Variants in PRDM16 observed in about 807,000 individuals in gnomAD.
The protein encoded by PRDM16 is PR/SET domain 16.
A neutral mutation model predicts 110.6 loss-of-function variants in PRDM16; 23 were observed. The observed-to-expected ratio is 0.21, with a 90% CI of 0.15 to 0.29. The LOEUF is 0.29. Among genes scored for constraint, PRDM16 ranks in the 10% least tolerant of loss-of-function variants. PRDM16 has a pLI of 1.00. For synonymous variants in PRDM16, 799 were observed against 781.8 expected (o/e 1.02, Z -0.37); for missense variants, 1,615 against 1,794.3 (o/e 0.90, Z 1.81).
intron 1 of PRDM16, among the ~76,000 whole-genome samples, chr1:3,131,810 T>G: frequency 6.6e-6 from 1 of 152,198 alleles, no homozygotes; most frequent in Non-Finnish European, 1.5e-5. Context: ...GCAGTGACGC[T>G]GCCCTGGGGT....
chr1:3,304,495 A>G (rs1486847332), intron 3 of PRDM16, among the ~76,000 whole-genome samples: 1 of 152,234 alleles, frequency 6.6e-6, no homozygotes, highest in East Asian at 1.9e-4. Context: ...CCTTGGCGTC[A>G]CGGAGCTACT....
chr1:3,129,096 T>G (rs1643275897), intron 1 of PRDM16, among the ~76,000 whole-genome samples: 2 of 151,668 alleles, frequency 1.3e-5, no homozygotes, highest in South Asian at 4.2e-4. Context: ...GTTTCCTGGC[T>G]GGTGTGCGTG....
At chr1:3,231,878 C>G (rs1639425401) in intron 2 of PRDM16, among the ~76,000 whole-genome samples, 2 of 152,224 alleles carry the variant, frequency 1.3e-5, no homozygotes, top group African/African-American at 4.8e-5. Context: ...AAAGCTGGAC[C>G]CTGGGGGGTC....
chr1:3,329,665 C>G (rs938080190), intron 3 of PRDM16, among the ~76,000 whole-genome samples: 7 of 152,330 alleles, frequency 4.6e-5, no homozygotes, highest in Non-Finnish European at 5.9e-5. Context: ...CCTTCACACC[C>G]CTCTCTTCCA....
intron 3 of PRDM16, among the ~76,000 whole-genome samples, chr1:3,324,690 A>C (rs79548216): frequency 0.074 from 11,245 of 151,192 alleles, 572 homozygotes; most frequent in East Asian, 0.21. Context: ...CTCCGACTCC[A>C]TGGGGTCAGG....
chr1:3,212,593 G>A (rs1261958626), intron 2 of PRDM16, among the ~76,000 whole-genome samples: 1 of 147,212 alleles, frequency 6.8e-6, no homozygotes, highest in Non-Finnish European at 1.5e-5. Flanking sequence ...GGAGGCCCCC[G>A]CTCATCCTCC....
At chr1:3,142,119 G>C (rs180854632) in intron 1 of PRDM16, among the ~76,000 whole-genome samples, 2 of 152,310 alleles carry the variant, frequency 1.3e-5, no homozygotes, top group Admixed American at 6.5e-5. Flanking sequence ...AGCTGCCCCA[G>C]CCTCCATCGG....
Position 3,161,824 on chromosome 1 carries a change from C to T in PRDM16, c.38-24301C>T, listed in dbSNP as rs569011536. 5.3e-5 allele frequency among the ~76,000 whole-genome samples: 8 copies of T among 152,344 alleles called. 1 individual carries two copies. In the East Asian group the frequency reaches 1.5e-3, roughly 29 times the overall value. On this transcript the variant is annotated intron_variant, in intron 1 of 16. Coordinates refer to ENST00000270722, the MANE Select transcript of PRDM16 (RefSeq NM_022114.4). ...CAGCTCCTGGGTGCAGGATCTGGTG[C>T]GCCTGTCTCCATGAGGATTTGGACC... is the stretch of plus-strand genomic sequence containing the variant.
At chr1:3,144,548 AG>A (rs772937453) in intron 1 of PRDM16, among the ~76,000 whole-genome samples, 22 of 104,306 alleles carry the variant, frequency 2.1e-4, no homozygotes, top group Non-Finnish European at 3.1e-4. Context: ...TGGGTGGGGG[AG>A]GGGGTGGCCA....
At chr1:3,161,341 C>T (rs750917759) in intron 1 of PRDM16, among the ~76,000 whole-genome samples, 5 of 152,146 alleles carry the variant, frequency 3.3e-5, no homozygotes, top group East Asian at 1.9e-4. Context: ...CTTTGTTTGC[C>T]GGTCACAGCC....
Position 3,186,295 on chromosome 1 carries a change from G to A in PRDM16, c.208G>A (p.Ala70Thr), listed in dbSNP as rs2100797998. ...CCCCAAGGAGGGCTCGCCGTACGAG[G>A]CCCCTGTCTACATTCCTGAAGACAT... ...FTPKEGSPYE[A>T]PVYIPEDIPI... Residue 70 changes from alanine to threonine, a missense_variant, in exon 2 of 17, where the codon GCC (alanine) becomes ACC (threonine). By Grantham distance (58) the Ala-to-Thr change is moderately conservative (BLOSUM62 0). Around this residue, in one of 5 missense-constraint regions of PRDM16, gnomAD observed 416 missense variants for 467.1 expected, o/e 0.89. Transcript: ENST00000270722. The A allele has an allele frequency of 1.2e-6, 2 of 1,611,804 alleles. No individual in the cohort carries two copies. Among genetic ancestry groups the A allele is most frequent in the East Asian group, 4.5e-5 (2 of 44,868 alleles).
rs530131492 is a variant in PRDM16 at position 3,081,072 on chromosome 1, C to G, written c.37+11776C>G. Among the ~76,000 whole-genome samples the G allele has an allele frequency of 3.5e-4, 54 of 152,288 alleles. No individual in the cohort carries two copies. Among genetic ancestry groups the G allele is most frequent in the South Asian group, 4.1e-4 (2 of 4,820 alleles). On this transcript the variant is annotated intron_variant, in intron 1 of 16. Coordinates refer to ENST00000270722, the MANE Select transcript of PRDM16 (RefSeq NM_022114.4). The surrounding 1 kb of genome is among the most constrained non-coding windows in gnomAD (Gnocchi z 4.6). ...GCAGATAGCGTAGCCACGAGGGGCTCTCTGGTTTCATGGCTGGGAATCTGA... is the reference window on the plus strand; with the variant it reads ...GCAGATAGCGTAGCCACGAGGGGCTGTCTGGTTTCATGGCTGGGAATCTGA...
intron 1 of PRDM16, among the ~76,000 whole-genome samples, chr1:3,089,248 C>T (rs1269092253): frequency 4.6e-5 from 7 of 152,206 alleles, no homozygotes; most frequent in East Asian, 1.9e-4. Flanking sequence ...GTGTGGACCC[C>T]GAAACTCCTT....
intron 2 of PRDM16, among the ~76,000 whole-genome samples, chr1:3,200,970 G>A (rs142430118): frequency 2.2e-3 from 313 of 140,032 alleles, no homozygotes; most frequent in African/African-American, 8.6e-3. Flanking sequence ...AGGGAGAAGA[G>A]GAGGAGGAAG....
intron 2 of PRDM16, among the ~76,000 whole-genome samples, chr1:3,231,303 C>T (rs1639403100): frequency 6.7e-6 from 1 of 148,292 alleles, no homozygotes; most frequent in South Asian, 2.1e-4. Context: ...GTCTTGAGCG[C>T]CATCACGATT....
At chr1:3,378,869 A>G (rs1643042324) in intron 3 of PRDM16, among the ~76,000 whole-genome samples, 1 of 151,978 alleles carries the variant, frequency 6.6e-6, no homozygotes, top group South Asian at 2.1e-4. Flanking sequence ...GTGGCTTCTG[A>G]AGTTCTGTCC....
chr1:3,264,608 T>G (rs1389501384), intron 3 of PRDM16, among the ~76,000 whole-genome samples: 30 of 48,874 alleles, frequency 6.1e-4, no homozygotes, highest in South Asian at 1.3e-3. Context: ...AGGGGAGGGG[T>G]GTAGATGGGC....
chr1:3,397,872 C>T (rs1643409024), intron 5 of PRDM16, among the ~76,000 whole-genome samples: 1 of 152,172 alleles, frequency 6.6e-6, no homozygotes, highest in African/African-American at 2.4e-5. Context: ...TTTACCCTTG[C>T]CATCACCGAG....
intron 12 of PRDM16, among the ~76,000 whole-genome samples, chr1:3,423,984 A>C (rs555131204): frequency 7.9e-5 from 12 of 152,128 alleles, no homozygotes; most frequent in African/African-American, 2.9e-4. Context: ...ACAAGTGTGC[A>C]CACACAGGCA....
Sources: gnomAD v4.1 joint callset for allele counts (sites outside exome capture counted in the v4.1 genomes callset) on GRCh38, gnomAD v4.1.1 for gene constraint, gnomAD v4.1.1 regional missense constraint, Gnocchi (gnomAD v3.1) non-coding constraint, MANE v1.5 for transcripts, NCBI Gene and HGNC (gene_info 2026-07-23, HGNC 2026-07-21) for gene names.